OR13A1: variants seen among roughly 807,000 people sequenced by gnomAD.
OR13A1 encodes olfactory receptor 13A1.
OR13A1 carries 10 observed loss-of-function variants against 7.5 expected under a neutral mutation model. That is an observed-to-expected ratio of 1.34 (90% CI 0.83 to 2.27). The LOEUF (loss-of-function observed/expected upper bound fraction) is 2.27, where lower values mean the gene tolerates loss of function less well. OR13A1 is among the 30% of genes most tolerant of loss of function. OR13A1 has a pLI of 0.00. For synonymous variants in OR13A1, 238 were observed against 177.9 expected (o/e 1.34, Z -2.69); for missense variants, 509 against 419.1 (o/e 1.21, Z -1.87).
rs116816503 is a variant in OR13A1, at chr10:45,304,212, G to T, written c.211C>A (p.Pro71Thr). ...VLITLAITFN[P>T]GLHAPMYFFL... is the part of the protein sequence containing the mutation. Reference sequence around the variant, plus strand: ...AAGTACATAGGAGCGTGGAGCCCAGGGTTGAACGTGATGGCCAAGGTGATG... The same window carrying T: ...AAGTACATAGGAGCGTGGAGCCCAGTGTTGAACGTGATGGCCAAGGTGATG... The change falls in exon 4 of 4, where the codon CCT becomes ACT. Residue 71 changes from proline to threonine, a missense_variant. Transcript: ENST00000553795. The T allele has an allele frequency of 6.2e-7, 1 of 1,614,180 alleles. No individual in the cohort carries two copies. The highest frequency in any genetic ancestry group is 2.2e-5 in the East Asian group (1 of 44,886).
Position 45,303,095 on chromosome 10 carries a change from C to T in OR13A1, c.*341G>A, listed in dbSNP as rs1412166640. On this transcript the variant is annotated 3_prime_UTR_variant, in exon 4 of 4. Transcript: ENST00000553795. Reference sequence around the variant, plus strand: ...CTAGGTGTGATTTTAGAATTTACACCCTGAGTGTTGTACATACAAAAGGAA... The same window carrying T: ...CTAGGTGTGATTTTAGAATTTACACTCTGAGTGTTGTACATACAAAAGGAA... 1.5e-5 allele frequency: 3 copies of T among 203,058 alleles called. No homozygotes were observed. Among genetic ancestry groups the T allele is most frequent in the Non-Finnish European group, 3.0e-5 (3 of 101,428 alleles). 12.6% of individuals were successfully genotyped at this position (203,058 alleles called of 1,614,324 possible).
chr10:45,304,474 C>T (rs771920385), intron 3 of OR13A1, 40 bp from the exon 4 acceptor site: 4 of 1,544,052 alleles, frequency 2.6e-6, no homozygotes, highest in African/African-American at 2.7e-5. Context: ...GAAGGCTGCT[C>T]CCGTGTTTCT....
At chr10:45,306,452 CA>C (rs10550417) in intron 3 of OR13A1, among the ~76,000 whole-genome samples, 15,511 of 133,934 alleles carry the variant, frequency 0.12, 1,062 homozygotes, top group East Asian at 0.27. Flanking sequence ...GACTCCGTCT[CA>C]AAAAAAAAAA....
At chr10:45,305,116 TC>T (rs1838300613) in intron 3 of OR13A1, among the ~76,000 whole-genome samples, 1 of 152,026 alleles carries the variant, frequency 6.6e-6, no homozygotes, top group African/African-American at 2.4e-5. Context: ...ATGTCTGTAA[TC>T]CCAGCTACTT....
intron 3 of OR13A1, among the ~76,000 whole-genome samples, chr10:45,304,915 T>A (rs1466294247): frequency 6.6e-6 from 1 of 152,220 alleles, no homozygotes; most frequent in African/African-American, 2.4e-5. Flanking sequence ...TAAATTGATA[T>A]AAATGCTGTC....
intron 1 of OR13A1, among the ~76,000 whole-genome samples, chr10:45,311,065 C>G (rs1037539395): frequency 6.6e-6 from 1 of 152,198 alleles, no homozygotes; most frequent in African/African-American, 2.4e-5. Context: ...TGCTTGGAAA[C>G]TTGGAAAAAC....
intron 1 of OR13A1, among the ~76,000 whole-genome samples, chr10:45,313,636 A>T (rs1181269327): frequency 6.6e-6 from 1 of 152,116 alleles, no homozygotes; most frequent in African/African-American, 2.4e-5. Context: ...CTATCCAACA[A>T]AATAGACTTA....
At chr10:45,305,462 T>C (rs1194152893) in intron 3 of OR13A1, among the ~76,000 whole-genome samples, 1 of 152,200 alleles carries the variant, frequency 6.6e-6, no homozygotes, top group Non-Finnish European at 1.5e-5. Context: ...CAGTGATTGT[T>C]TTCACTTTTT....
intron 1 of OR13A1, among the ~76,000 whole-genome samples, chr10:45,311,027 C>T (rs1838433608): frequency 6.6e-6 from 1 of 152,136 alleles, no homozygotes; most frequent in Non-Finnish European, 1.5e-5. Flanking sequence ...AGGATCTGTG[C>T]TGCGAGATGA....
intron 3 of OR13A1, among the ~76,000 whole-genome samples, chr10:45,305,896 T>C (rs2133038276): frequency 6.6e-6 from 1 of 152,320 alleles, no homozygotes; most frequent in East Asian, 1.9e-4. Flanking sequence ...CGTCACTCCT[T>C]GATCAGGTTA....
intron 3 of OR13A1, among the ~76,000 whole-genome samples, chr10:45,305,703 C>G (rs1209883636): frequency 6.6e-6 from 1 of 152,224 alleles, no homozygotes; most frequent in Non-Finnish European, 1.5e-5. Flanking sequence ...GGCTGATGCA[C>G]CAAGCCATTC....
At chr10:45,313,007 G>C (rs141084447) in intron 1 of OR13A1, among the ~76,000 whole-genome samples, 1 of 152,036 alleles carries the variant, frequency 6.6e-6, no homozygotes, top group African/African-American at 2.4e-5. Context: ...CATATATAGA[G>C]ACTGTACTAT....
intron 1 of OR13A1, 116 bp downstream of exon 1, chr10:45,315,408 G>GA (rs1838504823): frequency 6.6e-6 from 1 of 151,986 alleles, no homozygotes; most frequent in Non-Finnish European, 1.5e-5. Flanking sequence ...TATTGATGTA[G>GA]AAAAAATGTT....
At chr10:45,309,162 C>T (rs1010663596) in intron 1 of OR13A1, among the ~76,000 whole-genome samples, 4 of 152,142 alleles carry the variant, frequency 2.6e-5, no homozygotes, top group African/African-American at 9.7e-5. Flanking sequence ...GAATCTGGGT[C>T]AGGGCAGACC....
intron 3 of OR13A1, among the ~76,000 whole-genome samples, chr10:45,305,107 T>C (rs570524171): frequency 1.3e-5 from 2 of 152,164 alleles, no homozygotes; most frequent in Admixed American, 1.3e-4. Context: ...TGGTGGTGGA[T>C]GTCTGTAATC....
intron 3 of OR13A1, among the ~76,000 whole-genome samples, chr10:45,307,028 C>T (rs917329162): frequency 6.6e-6 from 1 of 152,168 alleles, no homozygotes; most frequent in African/African-American, 2.4e-5. Flanking sequence ...ATCAATGTCC[C>T]AGTGTGAGGT....
chr10:45,312,097 T>C (rs1838457633), intron 1 of OR13A1, among the ~76,000 whole-genome samples: 1 of 152,020 alleles, frequency 6.6e-6, no homozygotes, highest in Non-Finnish European at 1.5e-5. Context: ...ATAAGAACTG[T>C]AAGTGAGCTG....
At chr10:45,315,236 C>T (rs1404541598) in intron 1 of OR13A1, among the ~76,000 whole-genome samples, 2 of 152,080 alleles carry the variant, frequency 1.3e-5, no homozygotes, top group East Asian at 3.9e-4. Context: ...ATCCCTTGAA[C>T]CCAGGAGGCA....
intron 1 of OR13A1, among the ~76,000 whole-genome samples, chr10:45,311,402 T>C (rs1838443210): frequency 6.6e-6 from 1 of 152,160 alleles, no homozygotes; most frequent in Admixed American, 6.6e-5. Flanking sequence ...AGCTCCACCC[T>C]CTGTGCTTGT....
Sources: gnomAD v4.1 joint callset for allele counts (sites outside exome capture counted in the v4.1 genomes callset) on GRCh38, gnomAD v4.1.1 for gene constraint, MANE v1.5 for transcripts, NCBI Gene and HGNC (gene_info 2026-07-23, HGNC 2026-07-21) for gene names.